The following SLC2A13 variants were observed in gnomAD, a reference collection of about 807,000 sequenced individuals.
SLC2A13 encodes solute carrier family 2 member 13, also known as proton myo-inositol cotransporter.
Under a neutral mutation model 64.4 loss-of-function variants are expected in SLC2A13, and 32 were observed. That is an observed-to-expected ratio of 0.50 (90% CI 0.37 to 0.67). SLC2A13 has a LOEUF of 0.67. Ranked by LOEUF, SLC2A13 falls within the 30% of genes least tolerant of loss-of-function variation. SLC2A13 has a pLI of 0.00. For synonymous variants in SLC2A13, 338 were observed against 327.1 expected (o/e 1.03, Z -0.36); for missense variants, 743 against 829.2 (o/e 0.90, Z 1.28).
Position 40,105,187 on chromosome 12 carries a change from G to A in SLC2A13, c.556+66C>T. ...GGGGACCCCGATGGGCAAGAGGCACGCAACACCCAGGGTCAAGGGCGGTGA... is the reference window on the plus strand; with the variant it reads ...GGGGACCCCGATGGGCAAGAGGCACACAACACCCAGGGTCAAGGGCGGTGA... On this transcript the variant is annotated intron_variant, in intron 1 of 9. Coordinates refer to ENST00000280871, the MANE Select transcript of SLC2A13 (RefSeq NM_052885.4). The surrounding 1 kb of genome is among the most constrained non-coding windows in gnomAD (Gnocchi z 4.2). 1.4e-6 allele frequency: 2 copies of A among 1,444,932 alleles called. No individual in the cohort carries two copies. The highest frequency in any genetic ancestry group is 1.5e-5 in the African/African-American group (1 of 67,596). The allele number at this position is 1,444,932 out of a possible 1,614,324, so 89.5% of individuals were successfully genotyped here.
chr12:40,092,035 A>G (rs1057455514), intron 1 of SLC2A13, among the ~76,000 whole-genome samples: 11 of 152,036 alleles, frequency 7.2e-5, no homozygotes, highest in African/African-American at 1.9e-4. Context: ...TGTCTTACAT[A>G]TTTTTCTATT....
At chr12:40,086,156 A>G (rs17518392) in intron 1 of SLC2A13, among the ~76,000 whole-genome samples, 3,661 of 152,180 alleles carry the variant, frequency 0.024, 156 homozygotes, top group African/African-American at 0.081. Flanking sequence ...GCCTTCTAAG[A>G]AAGAGCAAAA....
chr12:40,087,846 A>C (rs1938635108), intron 1 of SLC2A13, among the ~76,000 whole-genome samples: 1 of 152,204 alleles, frequency 6.6e-6, no homozygotes, highest in Admixed American at 6.5e-5. Flanking sequence ...CACTAGTATA[A>C]ATTAAATAAT....
intron 1 of SLC2A13, among the ~76,000 whole-genome samples, chr12:40,100,010 T>C (rs1939092326): frequency 6.6e-6 from 1 of 152,240 alleles, no homozygotes; most frequent in African/African-American, 2.4e-5. Flanking sequence ...ACATTCTTTG[T>C]TGACATTGAT....
At chr12:40,015,718 T>C (rs963374179) in intron 3 of SLC2A13, among the ~76,000 whole-genome samples, 9 of 152,180 alleles carry the variant, frequency 5.9e-5, no homozygotes, top group African/African-American at 1.9e-4. Flanking sequence ...TCAGCATGTA[T>C]ATCCACGAAA....
At chr12:40,060,700 C>G (rs755898213) in intron 1 of SLC2A13, among the ~76,000 whole-genome samples, 1 of 151,944 alleles carries the variant, frequency 6.6e-6, no homozygotes, top group Non-Finnish European at 1.5e-5. Flanking sequence ...TCTAGTCCAA[C>G]AGAAAAAAGT....
chr12:39,848,035 T>G (rs147405965), intron 6 of SLC2A13, among the ~76,000 whole-genome samples: 5 of 152,080 alleles, frequency 3.3e-5, no homozygotes, highest in African/African-American at 1.2e-4. Context: ...GTGTGCCAAA[T>G]GAAAGAATGA....
At chr12:39,896,336 GTATACATATATGTATGTATA>G (rs1288682220) in intron 4 of SLC2A13, among the ~76,000 whole-genome samples, 1 of 134,018 alleles carries the variant, frequency 7.5e-6, no homozygotes, top group African/African-American at 2.8e-5. Context: ...GTGTATATAT[GTATACATATATGTATGTATA>G]TGTGTATATA....
At chr12:39,948,404 A>G (rs1463148336) in intron 4 of SLC2A13, among the ~76,000 whole-genome samples, 2 of 152,140 alleles carry the variant, frequency 1.3e-5, no homozygotes, top group African/African-American at 4.8e-5. Context: ...AAAATCAAGT[A>G]TTTCAAGAAG....
chr12:39,776,736 C>CT (rs60128429), intron 7 of SLC2A13, among the ~76,000 whole-genome samples: 147,922 of 152,184 alleles, frequency 0.97, 71,892 homozygotes, highest in East Asian at 1. Flanking sequence ...AGACATTTTT[C>CT]TTTCTTTTTT....
At chr12:39,760,813 A>C (rs971748390) in intron 9 of SLC2A13, among the ~76,000 whole-genome samples, 3 of 151,964 alleles carry the variant, frequency 2.0e-5, no homozygotes, top group Admixed American at 2.0e-4. Context: ...TGGTTTTCTA[A>C]GGGTCATGAT....
intron 3 of SLC2A13, among the ~76,000 whole-genome samples, chr12:39,978,763 C>T (rs1946820715): frequency 6.6e-6 from 1 of 152,174 alleles, no homozygotes; most frequent in Non-Finnish European, 1.5e-5. Context: ...CCCGCCATTG[C>T]CCAGGCTTGC....
chr12:40,072,776 A>G (rs535649191), intron 1 of SLC2A13, among the ~76,000 whole-genome samples: 1 of 152,244 alleles, frequency 6.6e-6, no homozygotes, highest in South Asian at 2.1e-4. Context: ...AGTTTCATAT[A>G]GACAGCAATA....
intron 3 of SLC2A13, among the ~76,000 whole-genome samples, chr12:40,018,899 G>A (rs1947663903): frequency 6.6e-6 from 1 of 151,972 alleles, no homozygotes; most frequent in African/African-American, 2.4e-5. Context: ...TTGCTCTCTT[G>A]GTATGATGAT....
intron 6 of SLC2A13, among the ~76,000 whole-genome samples, chr12:39,862,701 A>G (rs1566878179): frequency 6.6e-6 from 1 of 152,118 alleles, no homozygotes; most frequent in African/African-American, 2.4e-5. Context: ...ATGTATATAG[A>G]TGGTTTTTAT....
intron 7 of SLC2A13, among the ~76,000 whole-genome samples, chr12:39,770,840 T>G (rs938630718): frequency 6.6e-6 from 1 of 152,144 alleles, no homozygotes; most frequent in African/African-American, 2.4e-5. Flanking sequence ...TAAGTCCAAG[T>G]AAAGAAAAGT....
chr12:40,091,519 G>A (rs951663660), intron 1 of SLC2A13, among the ~76,000 whole-genome samples: 3 of 152,060 alleles, frequency 2.0e-5, no homozygotes, highest in African/African-American at 7.2e-5. Flanking sequence ...CCAACTACTG[G>A]CAACAAAGAA....
At chr12:40,043,812 A>C (rs1215618803) in intron 2 of SLC2A13, among the ~76,000 whole-genome samples, 1 of 152,164 alleles carries the variant, frequency 6.6e-6, no homozygotes, top group East Asian at 1.9e-4. Flanking sequence ...CTTCACACCC[A>C]CTAGGATGAC....
chr12:39,951,440 A>G, intron 3 of SLC2A13, 75 bp from the exon 4 acceptor site: 2 of 1,165,678 alleles, frequency 1.7e-6, no homozygotes, highest in Non-Finnish European at 2.3e-6. Context: ...CCAATAGGAC[A>G]AATTTTCCTA....
Sources: allele counts gnomAD v4.1 joint callset (sites outside exome capture counted in the v4.1 genomes callset), GRCh38; gene constraint gnomAD v4.1.1; non-coding constraint Gnocchi (gnomAD v3.1); transcripts MANE v1.5; gene names NCBI Gene and HGNC (gene_info 2026-07-23, HGNC 2026-07-21).